Variants in ITGA8 observed in about 807,000 individuals in gnomAD.
ITGA8 encodes integrin alpha-8.
Under a neutral mutation model 142.3 loss-of-function variants are expected in ITGA8, and 91 were observed. The observed-to-expected ratio is 0.64, with a 90% CI of 0.54 to 0.76. The LOEUF (loss-of-function observed/expected upper bound fraction) is 0.76, where lower values mean the gene tolerates loss of function less well. Ranked by LOEUF, ITGA8 falls within the 30% of genes least tolerant of loss-of-function variation. ITGA8 has a pLI of 0.00. For missense variants in ITGA8, 1,406 were observed against 1,327.7 expected (o/e 1.06, Z -0.92); for synonymous variants, 505 against 485.2 (o/e 1.04, Z -0.54).
chr10:15,685,488 G>A (rs1834818413), intron 3 of ITGA8, among the ~76,000 whole-genome samples: 1 of 152,130 alleles, frequency 6.6e-6, no homozygotes, highest in Admixed American at 6.5e-5. Flanking sequence ...ATTAATAGAT[G>A]TATAACATGT....
Position 15,644,118 on chromosome 10 carries a change from C to T in ITGA8, c.1311G>A (p.Leu437=), listed in dbSNP as rs770017413. The T allele has an allele frequency of 3.7e-6, 6 of 1,614,130 alleles. No individual in the cohort carries two copies. Among genetic ancestry groups the T allele is most frequent in the South Asian group, 1.1e-5 (1 of 91,080 alleles). Residue 437 remains leucine, a synonymous_variant, in exon 13 of 30, where the codon CTG becomes CTA. Coordinates refer to ENST00000378076, the MANE Select transcript of ITGA8 (RefSeq NM_003638.3). ...DGLNTKPSQV[L]QGVWASHAVP... ...CAGCATGTGAGGCCCACACTCCTTG[C>T]AGAACTTGGGAAGGCTTGGTGTTTA...
intron 17 of ITGA8, among the ~76,000 whole-genome samples, chr10:15,606,751 C>T (rs1253197325): frequency 6.6e-6 from 1 of 152,074 alleles, no homozygotes; most frequent in Non-Finnish European, 1.5e-5. Flanking sequence ...ATAAATGTCA[C>T]AAAAAACATC....
chr10:15,620,828 A>G (rs985646435), intron 13 of ITGA8, among the ~76,000 whole-genome samples: 2 of 152,214 alleles, frequency 1.3e-5, no homozygotes, highest in South Asian at 2.1e-4. Context: ...TATCTGTTAT[A>G]TATCTGTTCT....
At chr10:15,673,064 T>G (rs1834558230) in intron 6 of ITGA8, among the ~76,000 whole-genome samples, 1 of 152,066 alleles carries the variant, frequency 6.6e-6, no homozygotes, top group African/African-American at 2.4e-5. Flanking sequence ...TGTGATGTAA[T>G]TTTTGTTTGT....
At chr10:15,701,732 T>G (rs1199495956) in intron 2 of ITGA8, among the ~76,000 whole-genome samples, 3 of 152,208 alleles carry the variant, frequency 2.0e-5, no homozygotes, top group Non-Finnish European at 2.9e-5. Flanking sequence ...CCTGACCCAG[T>G]AGAGAAAACA....
intron 26 of ITGA8, among the ~76,000 whole-genome samples, chr10:15,552,516 G>T (rs1406272692): frequency 6.6e-6 from 1 of 152,192 alleles, no homozygotes; most frequent in Non-Finnish European, 1.5e-5. Flanking sequence ...CATTGGTACT[G>T]CATATTAGAA....
chr10:15,705,543 C>T (rs1835241988), intron 2 of ITGA8, among the ~76,000 whole-genome samples: 1 of 152,194 alleles, frequency 6.6e-6, no homozygotes. Context: ...ACTATGGTCT[C>T]TCTCTCTTAC....
At chr10:15,558,559 A>G (rs1833923299) in intron 25 of ITGA8, among the ~76,000 whole-genome samples, 1 of 152,138 alleles carries the variant, frequency 6.6e-6, no homozygotes, top group Non-Finnish European at 1.5e-5. Context: ...CTCATTGTAG[A>G]GTGGGGCCAG....
At chr10:15,537,105 C>T (rs1272483821) in intron 27 of ITGA8, among the ~76,000 whole-genome samples, 1 of 152,158 alleles carries the variant, frequency 6.6e-6, no homozygotes, top group Non-Finnish European at 1.5e-5. Context: ...AACCTACATA[C>T]AATCTGTTTC....
intron 8 of ITGA8, among the ~76,000 whole-genome samples, chr10:15,667,994 T>TGG (rs1374022610): frequency 1.3e-5 from 2 of 152,244 alleles, no homozygotes; most frequent in Non-Finnish European, 2.9e-5. Flanking sequence ...ATGTATATTC[T>TGG]GTTGATTTGG....
intron 6 of ITGA8, among the ~76,000 whole-genome samples, chr10:15,675,979 T>C (rs1462475661): frequency 1.3e-5 from 2 of 152,214 alleles, no homozygotes; most frequent in Non-Finnish European, 2.9e-5. Context: ...GAAATTAACA[T>C]AATTTATGGT....
intron 26 of ITGA8, among the ~76,000 whole-genome samples, chr10:15,550,751 T>C (rs751531881): frequency 2.6e-5 from 4 of 152,140 alleles, no homozygotes; most frequent in Non-Finnish European, 4.4e-5. Flanking sequence ...TTAGATTTTA[T>C]TCAGAAGGCA....
Position 15,535,844 on chromosome 10 carries a change from G to A in ITGA8, c.2881-4693C>T, listed in dbSNP as rs184387816. ...TCTTTTGCTGTTTGCAATAAATCTT[G>A]CTGCTGCTCCCTCTTTGGGTCCACG... On this transcript the variant is annotated intron_variant, in intron 27 of 29. Transcript: ENST00000378076. 3.9e-3 allele frequency among the ~76,000 whole-genome samples: 598 copies of A among 152,180 alleles called. 3 individuals are homozygous for A. The highest frequency in any genetic ancestry group is 0.014 in the African/African-American group (573 of 41,522).
intron 2 of ITGA8, among the ~76,000 whole-genome samples, chr10:15,709,612 T>C (rs577514371): frequency 1.0e-3 from 157 of 152,330 alleles, no homozygotes; most frequent in African/African-American, 3.6e-3. Context: ...TCTGGACCTA[T>C]GGTCACTCTT....
intron 15 of ITGA8, among the ~76,000 whole-genome samples, chr10:15,612,374 T>G (rs1467503613): frequency 1.3e-5 from 2 of 152,202 alleles, no homozygotes; most frequent in African/African-American, 4.8e-5. Flanking sequence ...AGTGGTTAGT[T>G]CTGCAATTCT....
intron 8 of ITGA8, among the ~76,000 whole-genome samples, chr10:15,663,149 C>A (rs1588706741): frequency 6.6e-6 from 1 of 152,106 alleles, no homozygotes; most frequent in African/African-American, 2.4e-5. Context: ...AAATAGAATT[C>A]TCATTCCCTG....
In ITGA8 at chr10:15,519,141, A is replaced by C. The variant is rs1833011713; in HGVS notation, c.3105+149T>G. ...ACATATTAAGTATGCCAAAGCAAAC[A>C]AGACACGATTTTCCCTTTATATCCT... On this transcript the variant is annotated intron_variant, in intron 29 of 29. Coordinates refer to ENST00000378076, the MANE Select transcript of ITGA8 (RefSeq NM_003638.3). The C allele has an allele frequency of 3.7e-6, 3 of 821,908 alleles. No individual in the cohort carries two copies. In the Admixed American group the frequency reaches 7.3e-5, roughly 20 times the overall value. The allele number at this position is 821,908 out of a possible 1,614,324, so 50.9% of individuals were successfully genotyped here. A position where few individuals can be genotyped will look rare whatever the true frequency, so the allele number is the denominator to read the frequency against.
At chr10:15,602,722 A>G (rs1239782816) in intron 20 of ITGA8, among the ~76,000 whole-genome samples, 2 of 149,628 alleles carry the variant, frequency 1.3e-5, no homozygotes, top group Admixed American at 6.7e-5. Flanking sequence ...TGGGAAACAG[A>G]GCAAGACCCT....
chr10:15,534,441 C>A (rs187633035), intron 27 of ITGA8, among the ~76,000 whole-genome samples: 1 of 152,166 alleles, frequency 6.6e-6, no homozygotes, highest in Non-Finnish European at 1.5e-5. Flanking sequence ...ATATCTTCTA[C>A]AGAACCTAGA....
Sources: allele counts gnomAD v4.1 joint callset (sites outside exome capture counted in the v4.1 genomes callset), GRCh38; gene constraint gnomAD v4.1.1; transcripts MANE v1.5; gene names NCBI Gene and HGNC (gene_info 2026-07-23, HGNC 2026-07-21).